The following ABHD14B variants were observed in gnomAD, a reference collection of about 807,000 sequenced individuals.
The protein encoded by ABHD14B is abhydrolase domain containing 14B.
A neutral mutation model predicts 15.4 loss-of-function variants in ABHD14B; 19 were observed. The ratio of observed to expected loss-of-function variants is 1.23; its 90% CI spans 0.86 to 1.81. ABHD14B has a LOEUF of 1.81. Ranked by LOEUF, ABHD14B falls within the 40% of genes most tolerant of loss-of-function variation. The pLI, the probability that ABHD14B is intolerant of heterozygous loss-of-function variation, is 0.00. For missense variants in ABHD14B, 243 were observed against 267.0 expected, an observed-to-expected ratio of 0.91 and a Z score of 0.63; for synonymous variants, 92 against 117.3, an observed-to-expected ratio of 0.78 and a Z score of 1.39.
At chr3:51,970,792 A>G (rs1438424962) in intron 2 of ABHD14B, 1 of 456,470 alleles carries the variant, frequency 2.2e-6, no homozygotes, top group Non-Finnish European at 4.4e-6. Context: ...TGAGCCCTGA[A>G]ACCATACCAT....
intron 2 of ABHD14B, 125 bp downstream of exon 2, chr3:51,971,335 G>T: frequency 8.6e-7 from 1 of 1,156,232 alleles, no homozygotes; most frequent in Non-Finnish European, 1.2e-6. Flanking sequence ...GCCCAGCCTG[G>T]CTGGGTCCTC....
In ABHD14B at chr3:51,969,541, T is replaced by C; in HGVS notation, c.518A>G (p.Lys173Arg). 1 of 1,613,888 alleles carries C rather than the reference T, an allele frequency of 6.2e-7. No individual in the cohort carries two copies. Among genetic ancestry groups the C allele is most frequent in the Non-Finnish European group, 8.5e-7 (1 of 1,179,978 alleles). The change falls in exon 4 of 4, where the codon AAG (lysine) becomes AGG (arginine). Residue 173 changes from lysine (K) to arginine (R), a missense_variant. Physicochemically the swap from Lys to Arg is conservative, Grantham distance 26. Transcript: ENST00000361143. Reference sequence around the variant, plus strand: ...CAGCACCCGGTGGTTGGGCAGCTGCTTCAGGTGCTCAAAGCTGGTCTGACC... The same window carrying C: ...CAGCACCCGGTGGTTGGGCAGCTGCCTCAGGTGCTCAAAGCTGGTCTGACC... The part of the protein sequence containing the change: ...PMGQTSFEHL[K>R]QLPNHRVLIM...
Position 51,969,472 on chromosome 3 carries a change from T to G in ABHD14B, c.587A>C (p.Glu196Ala). The change falls in exon 4 of 4, where the codon GAG becomes GCG. Residue 196 changes from glutamate to alanine, a missense_variant. Transcript: ENST00000361143. The stretch of plus-strand genomic sequence containing the variant: ...GTCCAGCAGCCCTGTATGCCACTCC[T>G]CTGGTTTGTCCAGGTAACAGGGGTG... ...AGHPCYLDKPEEWHTGLLDFL... is the reference protein window; with the variant it reads ...AGHPCYLDKPAEWHTGLLDFL... 1.2e-6 allele frequency: 2 copies of G among 1,613,912 alleles called. No homozygotes were observed. Among genetic ancestry groups the G allele is most frequent in the Non-Finnish European group, 8.5e-7 (1 of 1,179,966 alleles).
In ABHD14B at chr3:51,971,460, C is replaced by G. The variant is rs772084428; in HGVS notation, c.211G>C (p.Gly71Arg). 4.4e-6 allele frequency: 7 copies of G among 1,574,798 alleles called. No individual in the cohort carries two copies. In the East Asian group the frequency reaches 1.6e-4, roughly 36 times the overall value. ...GCCCAGAAGCCTGCCCCTTAAGTACCTGGCAGGTCAATGGCCACAGCCCGG... is the reference window on the plus strand; with the variant it reads ...GCCCAGAAGCCTGCCCCTTAAGTACGTGGCAGGTCAATGGCCACAGCCCGG... ...GYRAVAIDLP[G>R]LGHSKEAAAP... The change falls in exon 2 of 4, where the codon GGT becomes CGT. Residue 71 changes from glycine (G) to arginine (R), a missense_variant and splice_region_variant. Physicochemically the swap from Gly to Arg is moderately radical, Grantham distance 125 (BLOSUM62 -2). Coordinates refer to ENST00000361143, the MANE Select transcript of ABHD14B (RefSeq NM_001146314.2).
Position 51,969,333 on chromosome 3 carries a change from T to A in ABHD14B, c.*93A>T, listed in dbSNP as rs1190010288. 2.2e-6 allele frequency: 3 copies of A among 1,385,132 alleles called. No individual in the cohort carries two copies. The highest frequency in any genetic ancestry group is 2.9e-6 in the Non-Finnish European group (3 of 1,017,304). 85.8% of individuals were successfully genotyped at this position (1,385,132 alleles called of 1,614,324 possible). On this transcript the variant is annotated 3_prime_UTR_variant, in exon 4 of 4. Coordinates refer to ENST00000361143, the MANE Select transcript of ABHD14B (RefSeq NM_001146314.2). ...CATATAGACAGACGCACCTGTTGCA[T>A]GTGCATGAGCCAGAGCCTGGGAGAG...
chr3:51,973,992 C>G lies in ABHD14B; in HGVS notation c.-56G>C. 7.8e-7 allele frequency: 1 copy of G among 1,289,328 alleles called. No homozygotes were observed. 79.9% of individuals were successfully genotyped at this position (1,289,328 alleles called of 1,614,324 possible). ...GGGGAGCTGCGTGGACTCGCGCAGA[C>G]GGGAAGCAGGCGCGTGCTGGCGGTG... On this transcript the variant is annotated 5_prime_UTR_variant, in exon 1 of 4. Transcript: ENST00000361143.
chr3:51,972,798 G>GT (rs1345711037), intron 1 of ABHD14B, among the ~76,000 whole-genome samples: 2 of 152,306 alleles, frequency 1.3e-5, no homozygotes, highest in East Asian at 1.9e-4. Flanking sequence ...TCAATCAACG[G>GT]TAAGTTACAG....
At chr3:51,970,812 G>A (rs1313286667) in intron 2 of ABHD14B, 2 of 455,836 alleles carry the variant, frequency 4.4e-6, no homozygotes, top group Non-Finnish European at 8.8e-6. Flanking sequence ...TCCCTGGCCT[G>A]AGGGGGTGGG....
At chr3:51,969,680 G>T in intron 3 of ABHD14B, 75 bp from the exon 4 acceptor site, 1 of 1,534,624 alleles carries the variant, frequency 6.5e-7, no homozygotes, top group Non-Finnish European at 8.8e-7. Flanking sequence ...CCCCACTTCA[G>T]TCTCTTCCTG....
chr3:51,972,507 AGGTT>A (rs1434913573), intron 1 of ABHD14B, among the ~76,000 whole-genome samples: 18 of 152,182 alleles, frequency 1.2e-4, no homozygotes, highest in Non-Finnish European at 2.4e-4. Flanking sequence ...CAGGAGGCAG[AGGTT>A]GCAGTGAGCC....
chr3:51,971,757 C>T (rs757109102), intron 1 of ABHD14B, 59 bp from the exon 2 acceptor site: 1 of 1,522,590 alleles, frequency 6.6e-7, no homozygotes. Context: ...GGGTGGCAGT[C>T]CCAGAGGAGC....
chr3:51,970,429 C>T (rs906928448), intron 2 of ABHD14B, among the ~76,000 whole-genome samples: 25 of 152,214 alleles, frequency 1.6e-4, no homozygotes, highest in African/African-American at 6.0e-4. Flanking sequence ...GAGAATCAGG[C>T]TCTGAAGCCC....
At chr3:51,971,954 A>T in intron 1 of ABHD14B, 1 of 668,896 alleles carries the variant, frequency 1.5e-6, no homozygotes, top group Non-Finnish European at 2.0e-6. Context: ...AAGTTTAAGA[A>T]AAATTATCGG....
At chr3:51,972,588 CAG>C (rs1461865712) in intron 1 of ABHD14B, among the ~76,000 whole-genome samples, 1 of 152,112 alleles carries the variant, frequency 6.6e-6, no homozygotes, top group African/African-American at 2.4e-5. Flanking sequence ...AAACAAAAAA[CAG>C]AAAAATTATC....
intron 2 of ABHD14B, 122 bp downstream of exon 2, chr3:51,971,337 TG>T: frequency 2.5e-6 from 3 of 1,176,856 alleles, no homozygotes; most frequent in Non-Finnish European, 1.2e-6. Flanking sequence ...CCAGCCTGGC[TG>T]GGTCCTCCAG....
At chr3:51,974,175 C>A (rs1425006881), upstream of ABHD14B, 12 of 705,312 alleles carry the variant, frequency 1.7e-5, no homozygotes, top group Non-Finnish European at 2.0e-5. Flanking sequence ...TTTCCCAAAG[C>A]CTCTCGGTCT....
In ABHD14B at chr3:51,969,218, G is replaced by GT. The variant is rs1211389642; in HGVS notation, c.*207dup. The GT allele has an allele frequency of 5.8e-6, 3 of 521,696 alleles. No individual in the cohort carries two copies. The highest frequency in any genetic ancestry group is 5.0e-4 in the Middle Eastern group (1 of 2,010). The allele number at this position is 521,696 out of a possible 1,614,324, so 32.3% of individuals were successfully genotyped here. ...GGATTATGTTCCTTGATTCCTGAGA[G>GT]TTTTTTCTCTTGATTTTACCCCCTC... On this transcript the variant is annotated 3_prime_UTR_variant, in exon 4 of 4. Transcript: ENST00000361143.
At chr3:51,973,493 C>A (rs969095006) in intron 1 of ABHD14B, among the ~76,000 whole-genome samples, 6 of 145,006 alleles carry the variant, frequency 4.1e-5, no homozygotes, top group Non-Finnish European at 7.4e-5. Context: ...AACTAAAAGC[C>A]CATTTTCTTC....
In ABHD14B at chr3:51,969,536, G is replaced by C. The variant is rs1700612889; in HGVS notation, c.523C>G (p.Leu175Val). 1 of 1,613,806 alleles carries C rather than the reference G, an allele frequency of 6.2e-7. No homozygotes were observed. The highest frequency in any genetic ancestry group is 1.3e-5 in the African/African-American group (1 of 74,896). ...GQTSFEHLKQ[L>V]PNHRVLIMKG... ...ATGATCAGCACCCGGTGGTTGGGCAGCTGCTTCAGGTGCTCAAAGCTGGTC... is the reference window on the plus strand; with the variant it reads ...ATGATCAGCACCCGGTGGTTGGGCACCTGCTTCAGGTGCTCAAAGCTGGTC... Residue 175 changes from leucine (L) to valine (V), a missense_variant, in exon 4 of 4, where the codon CTG becomes GTG. Leu to Val is a conservative substitution (Grantham distance 32). Coordinates refer to ENST00000361143, the MANE Select transcript of ABHD14B (RefSeq NM_001146314.2).
Sources: allele counts gnomAD v4.1 joint callset (sites outside exome capture counted in the v4.1 genomes callset), GRCh38; gene constraint gnomAD v4.1.1; transcripts MANE v1.5; gene names NCBI Gene and HGNC (gene_info 2026-07-23, HGNC 2026-07-21).